The following CLMN variants were observed in gnomAD, a reference collection of about 807,000 sequenced individuals.
CLMN encodes calmin.
A neutral mutation model predicts 92.7 loss-of-function variants in CLMN; 57 were observed. The ratio of observed to expected loss-of-function variants is 0.61; its 90% CI spans 0.50 to 0.77. The LOEUF is 0.77. CLMN is among the 30% of genes least tolerant of loss of function. The pLI is 0.00. For missense variants in CLMN, 1,158 were observed against 1,237.5 expected (o/e 0.94, Z 0.96); for synonymous variants, 466 against 470.6 (o/e 0.99, Z 0.13).
chr14:95,225,957 A>G lies in CLMN; in HGVS notation c.145-2102T>C, dbSNP rs540453593. ...GAACTGGCTGGAACTTGTGGGTTAG[A>G]TGCTCCAGTGTGAGGATTTGCAAAC... On this transcript the variant is annotated intron_variant, in intron 2 of 12. Transcript: ENST00000298912. Among the ~76,000 whole-genome samples the G allele has an allele frequency of 1.2e-3, 176 of 152,242 alleles. 2 individuals are homozygous for G. The highest frequency in any genetic ancestry group is 4.1e-3 in the African/African-American group (171 of 41,526).
chr14:95,226,587 T>C (rs535973747), intron 2 of CLMN, among the ~76,000 whole-genome samples: 10 of 152,254 alleles, frequency 6.6e-5, no homozygotes, highest in South Asian at 6.2e-4. Flanking sequence ...TCTTCTTCTT[T>C]TTTTTTTGAG....
chr14:95,213,439 G>C, intron 5 of CLMN, 30 bp from the exon 6 acceptor site: 1 of 1,578,468 alleles, frequency 6.3e-7, no homozygotes, highest in Non-Finnish European at 8.6e-7. Context: ...TCAGACCCCA[G>C]CAACAGACCC....
At chr14:95,242,337 C>A (rs1898282630) in intron 1 of CLMN, among the ~76,000 whole-genome samples, 1 of 143,970 alleles carries the variant, frequency 6.9e-6, no homozygotes, top group African/African-American at 2.5e-5. Flanking sequence ...CAGCTCACTG[C>A]AACCTCCACC....
rs1270799526 is a variant in CLMN, at chr14:95,203,542, C to T, written c.1807G>A (p.Glu603Lys). 1.2e-6 allele frequency: 2 copies of T among 1,614,046 alleles called. No homozygotes were observed. The highest frequency in any genetic ancestry group is 1.7e-6 in the Non-Finnish European group (2 of 1,180,034). ...EDAEAFENHAEKLGKRSIKSA... is the reference protein window; with the variant it reads ...EDAEAFENHAKKLGKRSIKSA... ...TTAATACTCCTTTTACCTAGTTTTT[C>T]AGCATGATTCTCAAAAGCCTCAGCA... Residue 603 changes from glutamate (E) to lysine (K), a missense_variant, in exon 9 of 13, where the codon GAA becomes AAA. Transcript: ENST00000298912.
chr14:95,274,978 C>CA (rs5810718), intron 1 of CLMN, among the ~76,000 whole-genome samples: 8,782 of 76,144 alleles, frequency 0.12, 502 homozygotes, highest in East Asian at 0.19. Flanking sequence ...CACTCTGTCT[C>CA]AAAAAAAAAA....
At chr14:95,242,753 G>A (rs1218844934) in intron 1 of CLMN, among the ~76,000 whole-genome samples, 1 of 151,596 alleles carries the variant, frequency 6.6e-6, no homozygotes, top group Non-Finnish European at 1.5e-5. Flanking sequence ...ATTTTTAGTA[G>A]AGACAGGGTT....
At chr14:95,279,972 GTT>G (rs76975914) in intron 1 of CLMN, among the ~76,000 whole-genome samples, 29 of 145,416 alleles carry the variant, frequency 2.0e-4, no homozygotes, top group African/African-American at 5.3e-4. Flanking sequence ...ATATGTTGTT[GTT>G]TTTTTTTTTT....
chr14:95,292,687 G>A (rs1900622482), intron 1 of CLMN, among the ~76,000 whole-genome samples: 2 of 152,018 alleles, frequency 1.3e-5, no homozygotes, highest in Non-Finnish European at 2.9e-5. Context: ...GGGAGGGTGG[G>A]GACCATTATG....
At chr14:95,292,099 G>A (rs115984940) in intron 1 of CLMN, among the ~76,000 whole-genome samples, 164 of 152,302 alleles carry the variant, frequency 1.1e-3, no homozygotes, top group African/African-American at 3.7e-3. Context: ...CACAGATAGG[G>A]GGACTGAGGC....
intron 4 of CLMN, among the ~76,000 whole-genome samples, chr14:95,221,083 T>C (rs922696524): frequency 1.2e-4 from 18 of 152,186 alleles, no homozygotes; most frequent in African/African-American, 4.1e-4. Flanking sequence ...TATGTGCCAA[T>C]GTGTCAGGCA....
chr14:95,200,661 T>C (rs1425157233), intron 9 of CLMN, among the ~76,000 whole-genome samples: 1 of 152,210 alleles, frequency 6.6e-6, no homozygotes, highest in Non-Finnish European at 1.5e-5. Flanking sequence ...ATCACTCCAG[T>C]GGCCCTTTGT....
At chr14:95,268,333 A>T (rs953515515) in intron 1 of CLMN, among the ~76,000 whole-genome samples, 10 of 150,546 alleles carry the variant, frequency 6.6e-5, no homozygotes, top group Non-Finnish European at 1.3e-4. Context: ...AACTATCTGT[A>T]TGTGCAATAC....
chr14:95,265,190 G>A (rs766789785), intron 1 of CLMN, among the ~76,000 whole-genome samples: 11 of 151,930 alleles, frequency 7.2e-5, no homozygotes, highest in East Asian at 5.8e-4. Context: ...GCAGTGAGCC[G>A]AGACTGTGCC....
In CLMN at chr14:95,203,070, G is replaced by A; in HGVS notation, c.2279C>T (p.Pro760Leu). ...LKNEEMDLEE[P>L]EGYMPDLDSR... ...GTCCAGGTCTGGCATATAGCCCTCTGGCTCTTCGAGATCCATTTCTTCATT... is the reference window on the plus strand; with the variant it reads ...GTCCAGGTCTGGCATATAGCCCTCTAGCTCTTCGAGATCCATTTCTTCATT... The change falls in exon 9 of 13, where the codon CCA (proline) becomes CTA (leucine). Residue 760 changes from proline (P) to leucine (L), a missense_variant. Transcript: ENST00000298912. 3 of 1,614,074 alleles carry A rather than the reference G, an allele frequency of 1.9e-6. No individual in the cohort carries two copies. Among genetic ancestry groups the A allele is most frequent in the Non-Finnish European group, 8.5e-7 (1 of 1,180,008 alleles).
chr14:95,306,504 T>G (rs545370875), intron 1 of CLMN, among the ~76,000 whole-genome samples: 1 of 151,778 alleles, frequency 6.6e-6, no homozygotes, highest in Non-Finnish European at 1.5e-5. Context: ...TGACCACACC[T>G]GGGTGACAGA....
intron 1 of CLMN, among the ~76,000 whole-genome samples, chr14:95,319,303 T>TCACACACA (rs60670197): frequency 0.011 from 1,534 of 144,172 alleles, 8 homozygotes; most frequent in Non-Finnish European, 0.012. Context: ...GTGCGCGAAC[T>TCACACACA]CACACACACA....
In CLMN at chr14:95,287,403, C is replaced by T. The variant is rs117938100; in HGVS notation, c.82+32308G>A. Among the ~76,000 whole-genome samples the T allele has an allele frequency of 7.4e-3, 1,130 of 152,262 alleles. 12 individuals are homozygous for T. The highest frequency in any genetic ancestry group is 0.012 in the Non-Finnish European group (841 of 68,022). Reference sequence around the variant, plus strand: ...CCTGCCCGCCCTTCTCAGCATGGCGCGATGTTCAGGCATCTCTGGGATGCT... The same window carrying T: ...CCTGCCCGCCCTTCTCAGCATGGCGTGATGTTCAGGCATCTCTGGGATGCT... On this transcript the variant is annotated intron_variant, in intron 1 of 12. Coordinates refer to ENST00000298912, the MANE Select transcript of CLMN (RefSeq NM_024734.4).
At chr14:95,221,496 G>A (rs1460616361) in intron 4 of CLMN, among the ~76,000 whole-genome samples, 195 bp downstream of exon 4, 1 of 152,216 alleles carries the variant, frequency 6.6e-6, no homozygotes, top group Non-Finnish European at 1.5e-5. Context: ...AAGTGGGTGG[G>A]CACGGAGTCA....
chr14:95,207,159 T>A (rs528677857), intron 8 of CLMN, among the ~76,000 whole-genome samples: 1 of 152,344 alleles, frequency 6.6e-6, no homozygotes, highest in South Asian at 2.1e-4. Flanking sequence ...GTGTATACAT[T>A]GTAAAATGAT....
Sources: allele counts gnomAD v4.1 joint callset (sites outside exome capture counted in the v4.1 genomes callset), GRCh38; gene constraint gnomAD v4.1.1; transcripts MANE v1.5; gene names NCBI Gene and HGNC (gene_info 2026-07-23, HGNC 2026-07-21).